The following ATF7IP2 variants were observed in gnomAD, a reference collection of about 807,000 sequenced individuals.
The protein encoded by ATF7IP2 is activating transcription factor 7-interacting protein 2.
In ATF7IP2, 42 loss-of-function variants were observed where a neutral mutation model predicts 64.2. The observed-to-expected ratio is 0.65, with a 90% confidence interval of 0.51 to 0.85. The LOEUF (loss-of-function observed/expected upper bound fraction) is 0.85. ATF7IP2 is among the 40% of genes least tolerant of loss of function. The pLI, the probability that ATF7IP2 is intolerant of heterozygous loss-of-function variation, is 0.00. For synonymous variants in ATF7IP2, 308 were observed against 272.8 expected (o/e 1.13, Z -1.27); for missense variants, 933 against 784.2 (o/e 1.19, Z -2.27).
intron 6 of ATF7IP2, among the ~76,000 whole-genome samples, chr16:10,437,079 T>C (rs1338698562): frequency 6.6e-6 from 1 of 151,156 alleles, no homozygotes; most frequent in Admixed American, 6.6e-5. Flanking sequence ...TGGAGTACAG[T>C]GGTGTGATCT....
intron 1 of ATF7IP2, among the ~76,000 whole-genome samples, chr16:10,411,530 C>T (rs1030796960): frequency 1.3e-5 from 2 of 152,126 alleles, no homozygotes; most frequent in Admixed American, 6.6e-5. Context: ...GCCACCATTC[C>T]TGGCTGATTT....
Position 10,440,388 on chromosome 16 carries a change from C to A in ATF7IP2, c.1120C>A (p.Arg374Ser), listed in dbSNP as rs767736915. ...GGCAAAAATAGCAAAACTTCAAAGA[C>A]GTATTAAAACAGTATTATTATTTCA... ...LLAKIAKLQR[R>S]IKTVLLFQRN... Residue 374 changes from arginine to serine, a missense_variant, in exon 8 of 14, where the codon CGT becomes AGT. Transcript: ENST00000562102. 12 of 1,550,420 alleles carry A rather than the reference C, an allele frequency of 7.7e-6. No homozygotes were observed. Among genetic ancestry groups the A allele is most frequent in the East Asian group, 4.7e-5 (2 of 42,346 alleles).
chr16:10,417,048 G>C (rs1481646022), intron 2 of ATF7IP2, among the ~76,000 whole-genome samples: 2 of 152,024 alleles, frequency 1.3e-5, no homozygotes, highest in Non-Finnish European at 1.5e-5. Flanking sequence ...AACTGGAAAT[G>C]AAACCTCATG....
chr16:10,440,983 T>C lies in ATF7IP2; in HGVS notation c.1194+521T>C, dbSNP rs142700088. ...GTTCTCATTGTTCAACTCCCACTTA[T>C]GAGTGAGAACATGTAGTGTTTGGTT... On this transcript the variant is annotated intron_variant, in intron 8 of 13. Transcript: ENST00000562102. Among the ~76,000 whole-genome samples, 8 of 152,304 alleles carry C rather than the reference T, an allele frequency of 5.3e-5. No individual in the cohort carries two copies. The East Asian group carries it at 1.5e-3, about 29-fold the overall frequency.
chr16:10,470,498 T>C (rs1338036353), intron 9 of ATF7IP2, among the ~76,000 whole-genome samples: 2 of 152,090 alleles, frequency 1.3e-5, no homozygotes, highest in Non-Finnish European at 2.9e-5. Flanking sequence ...GATTAAAAAC[T>C]TAAGGCCAGG....
chr16:10,436,401 T>TA (rs35700825), intron 6 of ATF7IP2, among the ~76,000 whole-genome samples: 33 of 151,778 alleles, frequency 2.2e-4, no homozygotes, highest in African/African-American at 2.2e-4. Context: ...CTTTTTTTTT[T>TA]AAATAATACA....
At chr16:10,430,026 G>T (rs927949272) in intron 4 of ATF7IP2, among the ~76,000 whole-genome samples, 1 of 151,510 alleles carries the variant, frequency 6.6e-6, no homozygotes, top group South Asian at 2.1e-4. Context: ...GCTAATTTTT[G>T]TACTTTTAGT....
chr16:10,394,178 G>A (rs950190189), intron 1 of ATF7IP2, among the ~76,000 whole-genome samples: 1 of 152,136 alleles, frequency 6.6e-6, no homozygotes, highest in Non-Finnish European at 1.5e-5. Flanking sequence ...ATGCAAATAG[G>A]CTGAAAGTAA....
intron 8 of ATF7IP2, among the ~76,000 whole-genome samples, chr16:10,441,796 GT>G (rs1315872002): frequency 2.0e-5 from 3 of 152,272 alleles, no homozygotes; most frequent in African/African-American, 7.2e-5. Context: ...TGCTTTTGGT[GT>G]TTTAGTCATG....
intron 3 of ATF7IP2, among the ~76,000 whole-genome samples, chr16:10,423,755 T>C (rs1364075871): frequency 6.6e-6 from 1 of 152,138 alleles, no homozygotes; most frequent in Admixed American, 6.5e-5. Flanking sequence ...ACACCCTCCT[T>C]CCTCCTCCTC....
intron 1 of ATF7IP2, among the ~76,000 whole-genome samples, chr16:10,392,816 C>G (rs544452122): frequency 1.3e-5 from 2 of 150,012 alleles, no homozygotes; most frequent in Admixed American, 1.3e-4. Context: ...TAGTGAGACT[C>G]TGTCTTTAAA....
rs188637650 is a variant in ATF7IP2, at chr16:10,471,794, C to T, written c.1353-316C>T. ...TCATTTTTATAGAAGTAAGTATATACGCTCAAAGGAATTTGTATGTTTTAT... is the reference window on the plus strand; with the variant it reads ...TCATTTTTATAGAAGTAAGTATATATGCTCAAAGGAATTTGTATGTTTTAT... On this transcript the variant is annotated intron_variant, in intron 9 of 13. Coordinates refer to ENST00000562102, the MANE Select transcript of ATF7IP2 (RefSeq NM_001393719.1). The T allele has an allele frequency of 4.7e-5, 8 of 170,622 alleles. No homozygotes were observed. The East Asian group carries it at 9.6e-4, about 20-fold the overall frequency. 10.6% of individuals were successfully genotyped at this position (170,622 alleles called of 1,614,324 possible). A position where few individuals can be genotyped will look rare whatever the true frequency, so the allele number is the denominator to read the frequency against.
At chr16:10,407,470 T>C (rs2047667033) in intron 1 of ATF7IP2, among the ~76,000 whole-genome samples, 1 of 152,156 alleles carries the variant, frequency 6.6e-6, no homozygotes, top group African/African-American at 2.4e-5. Context: ...AGATCTTATA[T>C]TTGGAAAATC....
chr16:10,415,454 C>G (rs1181829275), intron 2 of ATF7IP2, among the ~76,000 whole-genome samples: 2 of 152,158 alleles, frequency 1.3e-5, no homozygotes, highest in African/African-American at 4.8e-5. Context: ...GATCTGTTAT[C>G]TCTCACTATA....
At chr16:10,475,745 CAG>C (rs1393521239) in intron 12 of ATF7IP2, among the ~76,000 whole-genome samples, 16 of 54,666 alleles carry the variant, frequency 2.9e-4, no homozygotes, top group African/African-American at 1.2e-3. Flanking sequence ...AAAAAAAAAA[CAG>C]AGAAAGAACA....
chr16:10,442,746 A>G (rs999393777), intron 8 of ATF7IP2, among the ~76,000 whole-genome samples: 1 of 127,794 alleles, frequency 7.8e-6, no homozygotes, highest in Non-Finnish European at 1.7e-5. Flanking sequence ...TGCTAGTATC[A>G]TATCTAGTGC....
At chr16:10,465,702 G>A (rs1041415598) in intron 9 of ATF7IP2, among the ~76,000 whole-genome samples, 3 of 148,538 alleles carry the variant, frequency 2.0e-5, no homozygotes, top group Non-Finnish European at 4.5e-5. Context: ...TTGCACCACT[G>A]CACTCCAGCC....
chr16:10,446,871 T>TGCCTTC (rs2048824178), intron 8 of ATF7IP2: 1 of 152,176 alleles, frequency 6.6e-6, no homozygotes. Flanking sequence ...GAAGTTTGTG[T>TGCCTTC]GAGGCTCAAT....
chr16:10,450,751 G>A (rs538277418), intron 8 of ATF7IP2, among the ~76,000 whole-genome samples: 3 of 152,062 alleles, frequency 2.0e-5, no homozygotes, highest in Non-Finnish European at 4.4e-5. Context: ...ACACCAATGG[G>A]TCTTGACTCT....
Sources: gnomAD v4.1 joint callset for allele counts (sites outside exome capture counted in the v4.1 genomes callset) on GRCh38, gnomAD v4.1.1 for gene constraint, MANE v1.5 for transcripts, NCBI Gene and HGNC (gene_info 2026-07-23, HGNC 2026-07-21) for gene names.